ATXN10: variants seen among roughly 807,000 people sequenced by gnomAD.
ATXN10 encodes ataxin 10, also known as ataxin-10.
ATXN10 carries 28 observed loss-of-function variants against 52.9 expected under a neutral mutation model. That is an observed-to-expected ratio of 0.53 (90% CI 0.39 to 0.73). The LOEUF is 0.73. Ranked by LOEUF, ATXN10 falls within the 30% of genes least tolerant of loss-of-function variation. ATXN10 has a pLI of 0.00. For synonymous variants in ATXN10, 226 were observed against 221.5 expected, an observed-to-expected ratio of 1.02 and a Z score of -0.18; for missense variants, 565 against 577.0, an observed-to-expected ratio of 0.98 and a Z score of 0.21.
At chr22:45,751,149 T>C (rs1379269844) in intron 9 of ATXN10, among the ~76,000 whole-genome samples, 1 of 152,174 alleles carries the variant, frequency 6.6e-6, no homozygotes, top group East Asian at 1.9e-4. Context: ...CAGGCTGGTC[T>C]TGAATTCCTG....
chr22:45,700,722 G>C (rs1923809778), intron 4 of ATXN10, among the ~76,000 whole-genome samples: 1 of 152,046 alleles, frequency 6.6e-6, no homozygotes. Flanking sequence ...ATATTGTTAA[G>C]GACACTGAAA....
chr22:45,844,298 C>G lies in ATXN10; in HGVS notation c.*627C>G, dbSNP rs1056100204. Reference sequence around the variant, plus strand: ...TGAGAGAACATGTGGGCACTTAACTCTTCATGTTCCAGTTCATCCCAGAAG... The same window carrying G: ...TGAGAGAACATGTGGGCACTTAACTGTTCATGTTCCAGTTCATCCCAGAAG... On this transcript the variant is annotated 3_prime_UTR_variant, in exon 12 of 12. Transcript: ENST00000252934. The G allele has an allele frequency of 6.4e-6, 1 of 155,620 alleles. No homozygotes were observed. Among genetic ancestry groups the G allele is most frequent in the African/African-American group, 2.4e-5 (1 of 41,450 alleles). The allele number at this position is 155,620 out of a possible 1,614,324, so 9.6% of individuals were successfully genotyped here.
chr22:45,825,241 C>T lies in ATXN10; in HGVS notation c.1238-17750C>T, dbSNP rs1476231979. The stretch of plus-strand genomic sequence containing the variant: ...GGAGACCATTATTGTTGCATCTGCC[C>T]CCATTGTTGTAAGTCCTTCCACCTC... On this transcript the variant is annotated intron_variant, in intron 10 of 11. Transcript: ENST00000252934. The surrounding 1 kb of genome is among the most constrained non-coding windows in gnomAD (Gnocchi z 4.5). Among the ~76,000 whole-genome samples the T allele has an allele frequency of 1.3e-5, 2 of 152,142 alleles. No individual in the cohort carries two copies. The highest frequency in any genetic ancestry group is 2.4e-5 in the African/African-American group (1 of 41,432).
At chr22:45,675,727 G>A (rs757727751) in intron 1 of ATXN10, 10 of 152,126 alleles carry the variant, frequency 6.6e-5, no homozygotes, top group Admixed American at 2.0e-4. Flanking sequence ...AAATGTTATT[G>A]TTTTAAAATG....
chr22:45,785,459 T>C (rs1927290674), intron 9 of ATXN10, among the ~76,000 whole-genome samples: 1 of 152,254 alleles, frequency 6.6e-6, no homozygotes, highest in Non-Finnish European at 1.5e-5. Flanking sequence ...TTATAAAGAA[T>C]GCAACAAAAA....
rs752867609 is a variant in ATXN10, at chr22:45,783,755, A to G, written c.1174-23204A>G. Among the ~76,000 whole-genome samples, 30 of 152,242 alleles carry G rather than the reference A, an allele frequency of 2.0e-4. No individual in the cohort carries two copies. Among genetic ancestry groups the G allele is most frequent in the Non-Finnish European group, 3.4e-4 (23 of 68,046 alleles). ...CTTTTAAATGTTTATCAAATAAATA[A>G]ATAGAAGATTAAAAGAGGTGCCAGG... On this transcript the variant is annotated intron_variant, in intron 9 of 11. Coordinates refer to ENST00000252934, the MANE Select transcript of ATXN10 (RefSeq NM_013236.4). This position sits in a 1 kb window ranked among gnomAD's most constrained non-coding sequence, Gnocchi z 5.0.
chr22:45,679,784 G>A (rs1922846673), intron 1 of ATXN10: 1 of 152,212 alleles, frequency 6.6e-6, no homozygotes, highest in Admixed American at 6.5e-5. Context: ...CCATGAGCTG[G>A]AATGCTACAT....
intron 6 of ATXN10, among the ~76,000 whole-genome samples, chr22:45,721,808 G>A (rs1015516146): frequency 2.6e-5 from 4 of 152,066 alleles, no homozygotes; most frequent in African/African-American, 4.8e-5. Flanking sequence ...CCAGCTACTC[G>A]GGAGGCTAAG....
chr22:45,779,082 A>G (rs1305691183), intron 9 of ATXN10, among the ~76,000 whole-genome samples: 3 of 152,136 alleles, frequency 2.0e-5, no homozygotes, highest in Admixed American at 6.5e-5. Context: ...TATGAGATTT[A>G]TGAATTTTCT....
intron 10 of ATXN10, among the ~76,000 whole-genome samples, chr22:45,815,653 G>GGA (rs901680011): frequency 2.1e-5 from 3 of 139,586 alleles, no homozygotes; most frequent in African/African-American, 7.8e-5. Context: ...CCTCTTTGTT[G>GGA]GAAAAAATTG....
rs949013475 is a variant in ATXN10 at position 45,738,554 on chromosome 22, C to T, written c.895-177C>T. 1.0e-5 allele frequency: 6 copies of T among 594,246 alleles called. No individual in the cohort carries two copies. In the Admixed American group the frequency reaches 1.5e-4, roughly 15 times the overall value. The allele number at this position is 594,246 out of a possible 1,614,324, so 36.8% of individuals were successfully genotyped here. ...TCTGCTGTTAGTGAAAATGATGAGT[C>T]GTGTACATATTTCATACTTCTGTTT... On this transcript the variant is annotated intron_variant, in intron 7 of 11. Transcript: ENST00000252934.
At chr22:45,693,571 T>G (rs181784511) in intron 3 of ATXN10, among the ~76,000 whole-genome samples, 1 of 152,250 alleles carries the variant, frequency 6.6e-6, no homozygotes, top group East Asian at 1.9e-4. Context: ...CCTAGTCACT[T>G]CCCAAAGGCC....
chr22:45,788,335 A>G (rs1391500965), intron 9 of ATXN10, among the ~76,000 whole-genome samples: 1 of 152,094 alleles, frequency 6.6e-6, no homozygotes, highest in East Asian at 1.9e-4. Context: ...TTGCCCTCCC[A>G]GTAAATGATC....
intron 9 of ATXN10, 36 bp downstream of exon 9, chr22:45,740,574 G>A: frequency 6.3e-7 from 1 of 1,596,650 alleles, no homozygotes; most frequent in Non-Finnish European, 8.6e-7. Flanking sequence ...ATACATGTAT[G>A]GCTTCATTTA....
intron 9 of ATXN10, among the ~76,000 whole-genome samples, chr22:45,782,726 C>T (rs955020447): frequency 6.6e-6 from 1 of 152,158 alleles, no homozygotes; most frequent in South Asian, 2.1e-4. Flanking sequence ...ATAAGCGATA[C>T]ACGTAAGATT....
rs566996316 is a variant in ATXN10, at chr22:45,766,992, A to T, written c.1173+26454A>T. Among the ~76,000 whole-genome samples, 2 of 152,256 alleles carry T rather than the reference A, an allele frequency of 1.3e-5. No individual in the cohort carries two copies. Among genetic ancestry groups the T allele is most frequent in the Non-Finnish European group, 2.9e-5 (2 of 68,050 alleles). ...GATATCAAATGTAGTTGGCAAGACCATAGGGCAACAAATATTCTCTTGCTG... is the reference window on the plus strand; with the variant it reads ...GATATCAAATGTAGTTGGCAAGACCTTAGGGCAACAAATATTCTCTTGCTG... On this transcript the variant is annotated intron_variant, in intron 9 of 11. Coordinates refer to ENST00000252934, the MANE Select transcript of ATXN10 (RefSeq NM_013236.4). The surrounding 1 kb of genome is among the most constrained non-coding windows in gnomAD (Gnocchi z 4.6).
rs1221239994 is a variant in ATXN10 at position 45,705,862 on chromosome 22, C to G, written c.647+3015C>G. Among the ~76,000 whole-genome samples, 1 of 152,176 alleles carries G rather than the reference C, an allele frequency of 6.6e-6. No individual in the cohort carries two copies. Among genetic ancestry groups the G allele is most frequent in the African/African-American group, 2.4e-5 (1 of 41,438 alleles). ...CAGCCCCCGACCTGTGGACTGGTAC[C>G]TGTCCATGGCCTGTTAGGAACAGGA... On this transcript the variant is annotated intron_variant, in intron 5 of 11. Transcript: ENST00000252934. The surrounding 1 kb of genome is among the most constrained non-coding windows in gnomAD (Gnocchi z 5.2).
intron 6 of ATXN10, among the ~76,000 whole-genome samples, chr22:45,721,205 A>G (rs1398889598): frequency 6.6e-6 from 1 of 152,182 alleles, no homozygotes; most frequent in East Asian, 1.9e-4. Flanking sequence ...GAGAGCCTAC[A>G]TTTACATACT....
At chr22:45,748,551 T>C (rs1221013380) in intron 9 of ATXN10, among the ~76,000 whole-genome samples, 1 of 152,174 alleles carries the variant, frequency 6.6e-6, no homozygotes. Flanking sequence ...AGCTGAAGTG[T>C]TTTCCGCGTG....
Sources: allele counts gnomAD v4.1 joint callset (sites outside exome capture counted in the v4.1 genomes callset), GRCh38; gene constraint gnomAD v4.1.1; non-coding constraint Gnocchi (gnomAD v3.1); transcripts MANE v1.5; gene names NCBI Gene and HGNC (gene_info 2026-07-23, HGNC 2026-07-21).